Variants in COL22A1 observed in about 807,000 individuals in gnomAD.
COL22A1 encodes collagen alpha-1(XXII) chain.
COL22A1 carries 221 observed loss-of-function variants against 248.9 expected under a neutral mutation model. The observed-to-expected ratio is 0.89, with a 90% confidence interval of 0.80 to 0.99. COL22A1 has a LOEUF of 0.99. Among genes scored for constraint, COL22A1 ranks in the 50% least tolerant of loss-of-function variants. COL22A1 has a pLI of 0.00. For missense variants in COL22A1, 2,240 were observed against 2,179.0 expected (o/e 1.03, Z -0.56); for synonymous variants, 891 against 793.4 (o/e 1.12, Z -2.07).
chr8:138,705,275 C>T (rs1302837833), intron 30 of COL22A1, among the ~76,000 whole-genome samples: 1 of 152,144 alleles, frequency 6.6e-6, no homozygotes. Flanking sequence ...TCAGGAAATA[C>T]AGAGAACACC....
chr8:138,767,462 T>C (rs1339159272), intron 16 of COL22A1, among the ~76,000 whole-genome samples: 1 of 151,876 alleles, frequency 6.6e-6, no homozygotes, highest in African/African-American at 2.4e-5. Flanking sequence ...GGGGCTCCAG[T>C]TCCCCACCAG....
chr8:138,906,865 C>G (rs950961448), intron 1 of COL22A1, among the ~76,000 whole-genome samples: 2 of 152,186 alleles, frequency 1.3e-5, no homozygotes, highest in African/African-American at 4.8e-5. Flanking sequence ...GTTGGCCAGG[C>G]TGGTCTCGAA....
chr8:138,857,848 C>G (rs370447855), intron 3 of COL22A1, among the ~76,000 whole-genome samples: 2 of 152,356 alleles, frequency 1.3e-5, no homozygotes, highest in African/African-American at 4.8e-5. Context: ...CGCGCCAGGA[C>G]TGGGCCTCCT....
intron 12 of COL22A1, among the ~76,000 whole-genome samples, chr8:138,795,207 G>A (rs1359421042): frequency 6.6e-6 from 1 of 152,162 alleles, no homozygotes; most frequent in Non-Finnish European, 1.5e-5. Context: ...TTTTTAGGTC[G>A]GGAGATGGAG....
At chr8:138,870,606 T>C (rs533217591) in intron 3 of COL22A1, among the ~76,000 whole-genome samples, 12 of 151,968 alleles carry the variant, frequency 7.9e-5, no homozygotes, top group Admixed American at 5.2e-4. Flanking sequence ...TGTTCATGTA[T>C]GTGTGTGATA....
At chr8:138,866,126 C>A (rs16893544) in intron 3 of COL22A1, among the ~76,000 whole-genome samples, 24 of 152,142 alleles carry the variant, frequency 1.6e-4, no homozygotes, top group African/African-American at 2.4e-5. Context: ...TACAGCAAAA[C>A]AAGTCACCTA....
intron 3 of COL22A1, among the ~76,000 whole-genome samples, chr8:138,862,403 C>T (rs1822551976): frequency 6.6e-6 from 1 of 152,130 alleles, no homozygotes; most frequent in Admixed American, 6.5e-5. Context: ...AGCTGCGGGG[C>T]ACTGGCTTCT....
At chr8:138,590,300 T>C (rs982090038) in intron 64 of COL22A1, among the ~76,000 whole-genome samples, 7 of 152,338 alleles carry the variant, frequency 4.6e-5, no homozygotes, top group Non-Finnish European at 8.8e-5. Flanking sequence ...ACTAACTCTA[T>C]TAATGCTTTG....
chr8:138,804,913 T>TG (rs1195284941), intron 10 of COL22A1, among the ~76,000 whole-genome samples: 3 of 144,920 alleles, frequency 2.1e-5, no homozygotes, highest in African/African-American at 5.2e-5. Context: ...GGGTGTGTGA[T>TG]GGGGTGTGTG....
intron 11 of COL22A1, among the ~76,000 whole-genome samples, chr8:138,797,156 G>T (rs770985155): frequency 2.8e-4 from 42 of 152,212 alleles, no homozygotes; most frequent in Non-Finnish European, 5.6e-4. Flanking sequence ...ACAATTCAAT[G>T]ATTTTTAGTA....
chr8:138,806,722 G>A (rs183763109), intron 10 of COL22A1, among the ~76,000 whole-genome samples: 5 of 152,256 alleles, frequency 3.3e-5, no homozygotes, highest in Admixed American at 2.6e-4. Flanking sequence ...TCACAGCAGC[G>A]GGCACTGGAA....
In COL22A1 at chr8:138,664,195, G is replaced by GCGCGCGCA. The variant is rs1554738442; in HGVS notation, c.3151-456_3151-455insTGCGCGCG. ...CATGCTCCCTTCTCCAACAAGGGGTGCGCGCGCGCGCGCGCACACACACAC... is the reference window on the plus strand; with the variant it reads ...CATGCTCCCTTCTCCAACAAGGGGTGCGCGCGCACGCGCGCGCGCGCGCACACACACAC... On this transcript the variant is annotated intron_variant, in intron 41 of 64. Coordinates refer to ENST00000303045, the MANE Select transcript of COL22A1 (RefSeq NM_152888.3). Among the ~76,000 whole-genome samples the GCGCGCGCA allele has an allele frequency of 3.7e-4, 15 of 40,170 alleles. 1 individual carries two copies. The East Asian group carries it at 0.012, about 32-fold the overall frequency. 26.4% of individuals were successfully genotyped at this position (40,170 alleles called of 152,430 possible).
At chr8:138,639,182 G>A (rs1462726516) in intron 47 of COL22A1, among the ~76,000 whole-genome samples, 1 of 152,184 alleles carries the variant, frequency 6.6e-6, no homozygotes, top group Non-Finnish European at 1.5e-5. Context: ...TATTATCAGA[G>A]TGTTAGATAA....
At chr8:138,835,741 T>C (rs1052180747) in intron 4 of COL22A1, among the ~76,000 whole-genome samples, 1 of 152,202 alleles carries the variant, frequency 6.6e-6, no homozygotes, top group African/African-American at 2.4e-5. Context: ...TACTCCTGAC[T>C]GAAGTCCTAC....
chr8:138,822,488 C>T (rs538604841), intron 6 of COL22A1, among the ~76,000 whole-genome samples: 2 of 152,358 alleles, frequency 1.3e-5, no homozygotes, highest in Non-Finnish European at 2.9e-5. Flanking sequence ...ACAATCAGTG[C>T]ACAAAAGTAT....
intron 63 of COL22A1, among the ~76,000 whole-genome samples, chr8:138,593,602 A>G (rs1434403069): frequency 1.3e-5 from 2 of 152,026 alleles, no homozygotes; most frequent in Non-Finnish European, 2.9e-5. Flanking sequence ...TGATGTCCTG[A>G]TAAGTCACTG....
intron 22 of COL22A1, among the ~76,000 whole-genome samples, chr8:138,745,351 C>T (rs191359894): frequency 1.5e-4 from 23 of 152,284 alleles, no homozygotes; most frequent in African/African-American, 5.5e-4. Flanking sequence ...GGTGACCAGG[C>T]ACCCAGTTCT....
At chr8:138,747,630 C>T (rs1832231379) in intron 22 of COL22A1, among the ~76,000 whole-genome samples, 1 of 152,144 alleles carries the variant, frequency 6.6e-6, no homozygotes, top group African/African-American at 2.4e-5. Context: ...ATGGGGCCTT[C>T]CTGCATCACC....
chr8:138,656,523 G>T (rs2130628246), intron 44 of COL22A1, among the ~76,000 whole-genome samples: 1 of 152,300 alleles, frequency 6.6e-6, no homozygotes, highest in Non-Finnish European at 1.5e-5. Context: ...GGAGTCTGCA[G>T]GTGGATGAAT....
Sources: allele counts gnomAD v4.1 joint callset (sites outside exome capture counted in the v4.1 genomes callset), GRCh38; gene constraint gnomAD v4.1.1; transcripts MANE v1.5; gene names NCBI Gene and HGNC (gene_info 2026-07-23, HGNC 2026-07-21).